Variants in SRFBP1 observed in about 807,000 individuals in gnomAD.
SRFBP1 encodes the protein serum response factor binding protein 1, also known as serum response factor-binding protein 1.
SRFBP1 carries 47 observed loss-of-function variants against 45.5 expected under a neutral mutation model. That is an observed-to-expected ratio of 1.03 (90% CI 0.82 to 1.32). The LOEUF (loss-of-function observed/expected upper bound fraction) is 1.32. Among genes scored for constraint, SRFBP1 ranks in the 40% most tolerant of loss-of-function variants. SRFBP1 has a pLI of 0.00. For missense variants in SRFBP1, 621 were observed against 484.6 expected (o/e 1.28, Z -2.64); for synonymous variants, 203 against 166.3 (o/e 1.22, Z -1.70).
In SRFBP1 at chr5:121,994,683, T is replaced by A; in HGVS notation, c.270+13T>A. On this transcript the variant is annotated intron_variant, in intron 4 of 7. Coordinates refer to ENST00000339397, the MANE Select transcript of SRFBP1 (RefSeq NM_152546.3). ...AATCTTCAAAAAGGTATATCTGCAA[T>A]AGATTATATTTGTCTTATGAAAAGT... 3 of 1,508,784 alleles carry A rather than the reference T, an allele frequency of 2.0e-6. No homozygotes were observed. Among genetic ancestry groups the A allele is most frequent in the South Asian group, 2.5e-5 (2 of 80,934 alleles). 93.5% of individuals were successfully genotyped at this position (1,508,784 alleles called of 1,614,324 possible). A position where few individuals can be genotyped will look rare whatever the true frequency, so the allele number is the denominator to read the frequency against.
At chr5:121,999,295 A>AT (rs1300778204) in intron 4 of SRFBP1, among the ~76,000 whole-genome samples, 2 of 151,528 alleles carry the variant, frequency 1.3e-5, no homozygotes, top group Non-Finnish European at 1.5e-5. Flanking sequence ...TCTTTTTGCA[A>AT]TTTTTTTTAT....
chr5:122,027,867 A>G lies in SRFBP1; in HGVS notation c.*741A>G, dbSNP rs992221072. On this transcript the variant is annotated 3_prime_UTR_variant, in exon 8 of 8. Coordinates refer to ENST00000339397, the MANE Select transcript of SRFBP1 (RefSeq NM_152546.3). ...TTAAGAAAATTGTTTAAATATAGCA[A>G]TACAACCAATAATTTGTTTTATGTT... is the stretch of plus-strand genomic sequence containing the variant. 4 of 152,204 alleles carry G rather than the reference A, an allele frequency of 2.6e-5. No homozygotes were observed. Among genetic ancestry groups the G allele is most frequent in the Admixed American group, 1.3e-4 (2 of 15,280 alleles). 9.4% of individuals were successfully genotyped at this position (152,204 alleles called of 1,614,324 possible). A position where few individuals can be genotyped will look rare whatever the true frequency, so the allele number is the denominator to read the frequency against.
intron 2 of SRFBP1, among the ~76,000 whole-genome samples, chr5:122,062,637 A>C (rs1277066406): frequency 6.6e-6 from 1 of 152,006 alleles, no homozygotes; most frequent in Admixed American, 6.6e-5. Flanking sequence ...CAAATCTGCA[A>C]ATTGCCAGCC....
intron 2 of SRFBP1, among the ~76,000 whole-genome samples, chr5:122,046,034 T>A (rs1211883282): frequency 6.6e-6 from 1 of 152,132 alleles, no homozygotes; most frequent in Non-Finnish European, 1.5e-5. Flanking sequence ...GATCCTTCAA[T>A]GCCTAGTTTA....
chr5:122,047,626 A>G (rs1026686986), intron 2 of SRFBP1, among the ~76,000 whole-genome samples: 1 of 152,096 alleles, frequency 6.6e-6, no homozygotes, highest in African/African-American at 2.4e-5. Flanking sequence ...GAATCTATAA[A>G]TTACCTTGGG....
chr5:122,047,459 A>G (rs1168343305), intron 2 of SRFBP1, among the ~76,000 whole-genome samples: 2 of 152,210 alleles, frequency 1.3e-5, no homozygotes, highest in East Asian at 1.9e-4. Context: ...GCCTTGTAGT[A>G]TAGTTTGAAG....
chr5:122,009,619 G>A (rs1042476203), intron 4 of SRFBP1, among the ~76,000 whole-genome samples: 11 of 152,150 alleles, frequency 7.2e-5, no homozygotes, highest in Non-Finnish European at 1.2e-4. Context: ...TAAGTTTTCC[G>A]AGTAGGGTGA....
At chr5:122,012,382 T>A (rs1249136166) in intron 4 of SRFBP1, among the ~76,000 whole-genome samples, 2 of 152,138 alleles carry the variant, frequency 1.3e-5, no homozygotes, top group Non-Finnish European at 2.9e-5. Flanking sequence ...AATTGGTATG[T>A]CAAAGACTTT....
chr5:122,077,474 G>A (rs767790500), downstream of SRFBP1: 6 of 1,614,070 alleles, frequency 3.7e-6, no homozygotes, highest in South Asian at 1.1e-5. The surrounding 1 kb of genome is among the most constrained non-coding windows in gnomAD (Gnocchi z 4.9). Flanking sequence ...GGGGTTGTAA[G>A]GGTCGTCGCC....
intron 4 of SRFBP1, among the ~76,000 whole-genome samples, chr5:122,008,757 T>C (rs1175200370): frequency 6.6e-6 from 1 of 152,182 alleles, no homozygotes; most frequent in African/African-American, 2.4e-5. Flanking sequence ...CATCTATCCC[T>C]ATGAACATTG....
chr5:122,020,655 A>C lies in SRFBP1; in HGVS notation c.920A>C (p.Gln307Pro), dbSNP rs183268564. The change falls in exon 6 of 8, where the codon CAA becomes CCA. Residue 307 changes from glutamine (Q) to proline (P), a missense_variant. Gln to Pro is a moderately conservative substitution (Grantham distance 76). Coordinates refer to ENST00000339397, the MANE Select transcript of SRFBP1 (RefSeq NM_152546.3). ...AGTTGTCATTCTTCAGTTAAGGAAC[A>C]AAAACCACTAGAAAAAGTGTTTCTT... Reference protein sequence around the residue: ...ESSCHSSVKEQKPLEKVFLKE... With the variant: ...ESSCHSSVKEPKPLEKVFLKE... 3.4e-3 allele frequency: 5,525 copies of C among 1,613,996 alleles called. 18 individuals carry two copies. The highest frequency in any genetic ancestry group is 5.4e-3 in the Admixed American group (326 of 59,988).
intron 4 of SRFBP1, among the ~76,000 whole-genome samples, chr5:122,005,450 T>G (rs1752955511): frequency 1.3e-5 from 2 of 152,198 alleles, no homozygotes; most frequent in African/African-American, 4.8e-5. Flanking sequence ...TGAGTATAGT[T>G]ACTCCTACTG....
At chr5:122,044,889 T>C (rs1256888315) in intron 2 of SRFBP1, among the ~76,000 whole-genome samples, 1 of 152,208 alleles carries the variant, frequency 6.6e-6, no homozygotes, top group Non-Finnish European at 1.5e-5. Flanking sequence ...AATTTTTGTT[T>C]TTCTTGCAAT....
intron 2 of SRFBP1, among the ~76,000 whole-genome samples, chr5:122,034,729 G>A (rs1469374164): frequency 6.6e-6 from 1 of 150,808 alleles, no homozygotes; most frequent in Non-Finnish European, 1.5e-5. Flanking sequence ...AGTTTCTCTA[G>A]TCATTTTTTT....
chr5:122,038,517 A>C lies in SRFBP1; in HGVS notation n.311+16110A>C, dbSNP rs1182046713. 2.0e-5 allele frequency among the ~76,000 whole-genome samples: 3 copies of C among 152,230 alleles called. No homozygotes were observed. In the East Asian group the frequency reaches 5.8e-4, roughly 29 times the overall value. On this transcript the variant is annotated intron_variant and non_coding_transcript_variant, in intron 2 of 2. Coordinates refer to the SRFBP1 transcript ENST00000504881. The stretch of plus-strand genomic sequence containing the variant: ...TCATTTACTAGTTTGCAAGCAAAAC[A>C]AAAATGAAAAGCAAAGGATCAAATA...
Position 122,020,504 on chromosome 5 carries a change from G to C in SRFBP1, c.769G>C (p.Glu257Gln), listed in dbSNP as rs1753289652. 1 of 1,614,116 alleles carries C rather than the reference G, an allele frequency of 6.2e-7. No homozygotes were observed. Among genetic ancestry groups the C allele is most frequent in the Non-Finnish European group, 8.5e-7 (1 of 1,179,994 alleles). The change falls in exon 6 of 8, where the codon GAG (glutamate) becomes CAG (glutamine). Residue 257 changes from glutamate to glutamine, a missense_variant. By Grantham distance (29) the Glu-to-Gln change is conservative. Coordinates refer to ENST00000339397, the MANE Select transcript of SRFBP1 (RefSeq NM_152546.3). ...SDGGEEFCEE[E>Q]KEYFDDSTEE... ...TGGCGGAGAAGAATTTTGTGAAGAG[G>C]AGAAGGAATATTTTGATGATAGCAC... is the stretch of plus-strand genomic sequence containing the variant.
intron 4 of SRFBP1, among the ~76,000 whole-genome samples, chr5:122,002,138 T>A (rs150835149): frequency 7.0e-4 from 106 of 152,306 alleles, no homozygotes; most frequent in African/African-American, 2.3e-3. Context: ...GCAACTCTAG[T>A]GGAGGAGTTT....
intron 3 of SRFBP1, among the ~76,000 whole-genome samples, chr5:121,986,195 T>C (rs1228672760): frequency 6.6e-6 from 1 of 151,346 alleles, no homozygotes; most frequent in Non-Finnish European, 1.5e-5. Flanking sequence ...GAAGATAGAG[T>C]ATCAAGAAGA....
chr5:122,007,338 G>A (rs987172779), intron 4 of SRFBP1, among the ~76,000 whole-genome samples: 4 of 151,868 alleles, frequency 2.6e-5, no homozygotes, highest in African/African-American at 9.7e-5. Context: ...GTCTGCTGGA[G>A]TAGGCCTGGA....
Sources: allele counts gnomAD v4.1 joint callset (sites outside exome capture counted in the v4.1 genomes callset), GRCh38; gene constraint gnomAD v4.1.1; non-coding constraint Gnocchi (gnomAD v3.1); transcripts MANE v1.5; gene names NCBI Gene and HGNC (gene_info 2026-07-23, HGNC 2026-07-21).